The following PADI4 variants were observed in gnomAD, a reference collection of about 807,000 sequenced individuals.
PADI4 encodes peptidyl arginine deiminase 4, also known as protein-arginine deiminase type-4.
In PADI4, 62 loss-of-function variants were observed where a neutral mutation model predicts 75.0. That is an observed-to-expected ratio of 0.83 (90% CI 0.67 to 1.02). The LOEUF (loss-of-function observed/expected upper bound fraction) is 1.02, where lower values mean the gene tolerates loss of function less well. Ranked by LOEUF, PADI4 falls within the 50% of genes least tolerant of loss-of-function variation. PADI4 has a pLI of 0.00. For synonymous variants in PADI4, 361 were observed against 348.1 expected (o/e 1.04, Z -0.41); for missense variants, 845 against 850.5 (o/e 0.99, Z 0.08).
intron 1 of PADI4, among the ~76,000 whole-genome samples, chr1:17,319,793 C>T (rs1289847109): frequency 2.0e-5 from 3 of 152,148 alleles, no homozygotes; most frequent in African/African-American, 4.8e-5. Context: ...AGCTCGGCAT[C>T]GGCCTCATTT....
intron 4 of PADI4, among the ~76,000 whole-genome samples, chr1:17,336,786 G>A (rs2074320381): frequency 6.6e-6 from 1 of 152,230 alleles, no homozygotes; most frequent in Non-Finnish European, 1.5e-5. Flanking sequence ...TGTGCACTGG[G>A]GGCTGTGCCC....
In PADI4 at chr1:17,356,234, T is replaced by C; in HGVS notation, c.1455+107T>C. On this transcript the variant is annotated intron_variant, in intron 12 of 15. Coordinates refer to ENST00000375448, the MANE Select transcript of PADI4 (RefSeq NM_012387.3). This position sits in a 1 kb window ranked among gnomAD's most constrained non-coding sequence, Gnocchi z 4.1. ...GTCTATTTCTCCTTCACCCTTAGGA[T>C]GGCAGTAGAGGAGGTGGCCAGCTTG... 7.2e-7 allele frequency: 1 copy of C among 1,379,962 alleles called. No individual in the cohort carries two copies. The highest frequency in any genetic ancestry group is 1.0e-6 in the Non-Finnish European group (1 of 998,848). The allele number at this position is 1,379,962 out of a possible 1,614,324, so 85.5% of individuals were successfully genotyped here. A position where few individuals can be genotyped will look rare whatever the true frequency, so the allele number is the denominator to read the frequency against.
intron 1 of PADI4, among the ~76,000 whole-genome samples, chr1:17,316,753 TAAC>T (rs2073947616): frequency 6.6e-6 from 1 of 150,884 alleles, no homozygotes; most frequent in Non-Finnish European, 1.5e-5. Context: ...ATAAATAAAA[TAAC>T]ACCCCTGCCC....
chr1:17,310,925 C>T (rs530793232), intron 1 of PADI4, among the ~76,000 whole-genome samples: 19 of 151,982 alleles, frequency 1.3e-4, no homozygotes, highest in South Asian at 4.2e-4. Flanking sequence ...GGTGAAACGC[C>T]GTCTCTACTA....
chr1:17,316,143 C>T (rs1237856405), intron 1 of PADI4, among the ~76,000 whole-genome samples: 1 of 152,048 alleles, frequency 6.6e-6, no homozygotes, highest in Non-Finnish European at 1.5e-5. Flanking sequence ...CCTATAATCC[C>T]AACACTTTGG....
intron 1 of PADI4, among the ~76,000 whole-genome samples, chr1:17,315,124 G>A (rs904085945): frequency 6.6e-6 from 1 of 152,200 alleles, no homozygotes; most frequent in Admixed American, 6.5e-5. Flanking sequence ...AGCAGATGTA[G>A]AATGACGTCC....
chr1:17,330,383 G>A (rs1424137088), intron 1 of PADI4, among the ~76,000 whole-genome samples: 1 of 152,154 alleles, frequency 6.6e-6, no homozygotes, highest in Non-Finnish European at 1.5e-5. Flanking sequence ...GTGTGTGAGA[G>A]AGAGTTTATT....
intron 13 of PADI4, 144 bp from the exon 14 acceptor site, chr1:17,358,694 T>C (rs1329801200): frequency 1.5e-6 from 1 of 652,430 alleles, no homozygotes; most frequent in Non-Finnish European, 2.8e-6. Context: ...GACTTGCAGA[T>C]GCTCACAGCA....
At chr1:17,328,344 G>T (rs867381963) in intron 1 of PADI4, among the ~76,000 whole-genome samples, 23 of 151,886 alleles carry the variant, frequency 1.5e-4, no homozygotes, top group African/African-American at 5.6e-4. Flanking sequence ...AAAAGTATAG[G>T]CCAGGCGCAT....
chr1:17,330,452 G>A (rs1185306424), intron 1 of PADI4, among the ~76,000 whole-genome samples: 1 of 152,324 alleles, frequency 6.6e-6, no homozygotes, highest in East Asian at 1.9e-4. Context: ...AGCTGGGGAA[G>A]AGAGAAGCTG....
chr1:17,327,138 C>A (rs1305173766), intron 1 of PADI4, among the ~76,000 whole-genome samples: 1 of 152,086 alleles, frequency 6.6e-6, no homozygotes, highest in Non-Finnish European at 1.5e-5. Flanking sequence ...GTCTTAAACT[C>A]CTGGGCTCAG....
At position 17,342,282 on chromosome 1, in the gene PADI4, T is replaced by TA; in HGVS notation, c.832-16dup. On this transcript the variant is annotated splice_polypyrimidine_tract_variant and intron_variant, in intron 7 of 15. Coordinates refer to ENST00000375448, the MANE Select transcript of PADI4 (RefSeq NM_012387.3). Reference sequence around the variant, plus strand: ...AGCGGTGACAGCCCCTCCTTCCCCTTACCCCCTCCCCTGCAGGAGCTCCCC... The same window carrying TA: ...AGCGGTGACAGCCCCTCCTTCCCCTTAACCCCCTCCCCTGCAGGAGCTCCCC... 1 of 1,546,552 alleles carries TA rather than the reference T, an allele frequency of 6.5e-7. No individual in the cohort carries two copies. The highest frequency in any genetic ancestry group is 8.9e-7 in the Non-Finnish European group (1 of 1,119,186).
At chr1:17,326,905 T>C (rs1276619237) in intron 1 of PADI4, among the ~76,000 whole-genome samples, 1 of 11,336 alleles carries the variant, frequency 8.8e-5, no homozygotes, top group African/African-American at 4.0e-4. Context: ...CCTTATATGC[T>C]TTTTTTTTTT....
chr1:17,322,214 G>A (rs748754593), intron 1 of PADI4, among the ~76,000 whole-genome samples: 7 of 152,214 alleles, frequency 4.6e-5, no homozygotes, highest in African/African-American at 1.4e-4. Context: ...TCAGCTGGGC[G>A]TGGTGGCTCA....
chr1:17,337,731 A>G (rs1438660240), intron 4 of PADI4, among the ~76,000 whole-genome samples: 2 of 151,988 alleles, frequency 1.3e-5, no homozygotes, highest in Non-Finnish European at 2.9e-5. Flanking sequence ...CCTGGCCAAC[A>G]TGGTGAAATC....
chr1:17,330,934 T>C (rs1332197150), intron 1 of PADI4, 35 bp from the exon 2 acceptor site: 1 of 1,458,186 alleles, frequency 6.9e-7, no homozygotes, highest in South Asian at 1.4e-5. Flanking sequence ...CCCTCCTCAC[T>C]GCATCCTCTG....
chr1:17,327,199 C>A (rs906824545), intron 1 of PADI4, among the ~76,000 whole-genome samples: 22 of 152,160 alleles, frequency 1.4e-4, no homozygotes, highest in African/African-American at 4.8e-4. Context: ...CCACCATGCC[C>A]AGCCTTGCTT....
At position 17,323,844 on chromosome 1, in the gene PADI4, A is replaced by AAAC. The variant is rs751327264; in HGVS notation, c.93-7110_93-7108dup. On this transcript the variant is annotated intron_variant, in intron 1 of 15. Coordinates refer to ENST00000375448, the MANE Select transcript of PADI4 (RefSeq NM_012387.3). ...ATCTCACCTCAAAAAACAAGCAAAC[A>AAAC]AACAACAACAACAACAAAAAAAACA... Among the ~76,000 whole-genome samples the AAAC allele has an allele frequency of 4.8e-4, 61 of 126,152 alleles. 1 individual carries two copies. The highest frequency in any genetic ancestry group is 1.3e-3 in the African/African-American group (47 of 34,858). 82.8% of individuals were successfully genotyped at this position (126,152 alleles called of 152,430 possible). A position where few individuals can be genotyped will look rare whatever the true frequency, so the allele number is the denominator to read the frequency against.
Position 17,330,998 on chromosome 1 carries a change from G to A in PADI4, c.122G>A (p.Ser41Asn), listed in dbSNP as rs1226569388. 8.8e-6 allele frequency: 14 copies of A among 1,593,710 alleles called. No individual in the cohort carries two copies. The highest frequency in any genetic ancestry group is 1.2e-5 in the Non-Finnish European group (14 of 1,172,350). The change falls in exon 2 of 16, where the codon AGC (serine) becomes AAC (asparagine). Residue 41 changes from serine (S) to asparagine (N), a missense_variant. By Grantham distance (46) the Ser-to-Asn change is conservative. Transcript: ENST00000375448. Reference sequence around the variant, plus strand: ...GCCCCTGAGGACTGCACGTCCTTCAGCATCAACGCCTCCCCAGGGGTGGTC... The same window carrying A: ...GCCCCTGAGGACTGCACGTCCTTCAACATCAACGCCTCCCCAGGGGTGGTC... ...SSAPEDCTSF[S>N]INASPGVVVD...
Sources: allele counts gnomAD v4.1 joint callset (sites outside exome capture counted in the v4.1 genomes callset), GRCh38; gene constraint gnomAD v4.1.1; non-coding constraint Gnocchi (gnomAD v3.1); transcripts MANE v1.5; gene names NCBI Gene and HGNC (gene_info 2026-07-23, HGNC 2026-07-21).